CNTLN: variants seen among roughly 807,000 people sequenced by gnomAD.
CNTLN encodes the protein centlein, centrosomal protein.
A neutral mutation model predicts 180.0 loss-of-function variants in CNTLN; 212 were observed. That is an observed-to-expected ratio of 1.18 (90% confidence interval 1.05 to 1.32). The LOEUF (loss-of-function observed/expected upper bound fraction) is 1.32, where lower values mean the gene tolerates loss of function less well. Among genes scored for constraint, CNTLN ranks in the 40% most tolerant of loss-of-function variants. The probability of loss-of-function intolerance (pLI) is 0.00; values close to 1 mark genes in which losing one functional copy is unlikely to be tolerated. For missense variants in CNTLN, 2,095 were observed against 1,610.9 expected, an observed-to-expected ratio of 1.30 and a Z score of -5.14; for synonymous variants, 722 against 563.1, an observed-to-expected ratio of 1.28 and a Z score of -3.99.
intron 5 of CNTLN, among the ~76,000 whole-genome samples, chr9:17,257,913 C>T (rs1005283440): frequency 2.2e-5 from 3 of 137,148 alleles, no homozygotes; most frequent in Non-Finnish European, 3.1e-5. Flanking sequence ...AAAATTTTCT[C>T]CCATTTTGTG....
At chr9:17,332,500 T>A (rs560259418) in intron 9 of CNTLN, 105 bp from the exon 10 acceptor site, 8 of 1,048,250 alleles carry the variant, frequency 7.6e-6, no homozygotes, top group African/African-American at 6.9e-5. Context: ...TTTTTTTTTT[T>A]ATAATTCATT....
At chr9:17,194,189 ATT>A in intron 2 of CNTLN, among the ~76,000 whole-genome samples, 1 of 152,258 alleles carries the variant, frequency 6.6e-6, no homozygotes, top group East Asian at 1.9e-4. Flanking sequence ...CATTTTCCCC[ATT>A]GTCTTAGGGA....
chr9:17,189,017 T>G (rs1821616710), intron 2 of CNTLN, among the ~76,000 whole-genome samples: 1 of 151,696 alleles, frequency 6.6e-6, no homozygotes, highest in Admixed American at 6.6e-5. Flanking sequence ...TTATGAATTT[T>G]TTTTCTTCCA....
chr9:17,265,023 A>G (rs1321354797), intron 5 of CNTLN, among the ~76,000 whole-genome samples: 1 of 143,700 alleles, frequency 7.0e-6, no homozygotes, highest in African/African-American at 2.7e-5. Flanking sequence ...CTAATTGAAT[A>G]CCCTTTATTT....
intron 5 of CNTLN, among the ~76,000 whole-genome samples, chr9:17,239,745 G>T (rs530981779): frequency 6.6e-6 from 1 of 152,170 alleles, no homozygotes; most frequent in East Asian, 1.9e-4. Flanking sequence ...CCACTGAATT[G>T]TCTTGATACC....
intron 2 of CNTLN, among the ~76,000 whole-genome samples, chr9:17,158,369 G>T (rs1819447028): frequency 2.6e-5 from 4 of 152,040 alleles, no homozygotes. Flanking sequence ...TAATGTCTTT[G>T]CTTTTTATAT....
chr9:17,288,144 T>C (rs1304389541), intron 6 of CNTLN, among the ~76,000 whole-genome samples: 173 of 128,198 alleles, frequency 1.3e-3, no homozygotes, highest in African/African-American at 5.5e-3. Flanking sequence ...TGTGGGCATT[T>C]AGTGCTATAA....
Position 17,327,739 on chromosome 9 carries a change from A to T in CNTLN, c.1342-2893A>T, listed in dbSNP as rs368703041. Reference sequence around the variant, plus strand: ...GAGGCCGAGGCAGGTGGATCACCTGAGGTCAGGAGTTCGAGACCAGCCTGA... The same window carrying T: ...GAGGCCGAGGCAGGTGGATCACCTGTGGTCAGGAGTTCGAGACCAGCCTGA... On this transcript the variant is annotated intron_variant, in intron 8 of 25. Transcript: ENST00000380647. Among the ~76,000 whole-genome samples the T allele has an allele frequency of 6.6e-5, 10 of 152,104 alleles. No homozygotes were observed. In the East Asian group the frequency reaches 1.8e-3, roughly 27 times the overall value.
chr9:17,299,820 G>A, intron 7 of CNTLN: 1 of 983,646 alleles, frequency 1.0e-6, no homozygotes, highest in Non-Finnish European at 1.2e-6. Context: ...CTGTTGCTTG[G>A]AACATTTTTT....
rs569888882 is a variant in CNTLN at position 17,372,036 on chromosome 9, C to T, written c.1987+5319C>T. 1.1e-4 allele frequency among the ~76,000 whole-genome samples: 17 copies of T among 151,924 alleles called. No individual in the cohort carries two copies. In the South Asian group the frequency reaches 1.5e-3, roughly 13 times the overall value. ...AGAAGAAAAATTTCAAATAACTTAA[C>T]GATGCATCTTGAAGAGCTAGAAAAG... On this transcript the variant is annotated intron_variant, in intron 13 of 25. Transcript: ENST00000380647.
intron 6 of CNTLN, among the ~76,000 whole-genome samples, chr9:17,294,075 G>A (rs568004031): frequency 1.3e-5 from 2 of 152,280 alleles, no homozygotes; most frequent in East Asian, 3.9e-4. Context: ...TGTGTTTAGA[G>A]TTTCTTCCTT....
intron 2 of CNTLN, among the ~76,000 whole-genome samples, chr9:17,191,899 C>T (rs1034283391): frequency 2.6e-5 from 4 of 152,136 alleles, no homozygotes; most frequent in Admixed American, 2.0e-4. Flanking sequence ...TATTGGGTGT[C>T]TTGGCATCAA....
At position 17,273,862 on chromosome 9, in the gene CNTLN, G is replaced by C. The variant is rs576954284; in HGVS notation, c.979G>C (p.Val327Leu). 1 of 1,547,392 alleles carries C rather than the reference G, an allele frequency of 6.5e-7. No homozygotes were observed. Among genetic ancestry groups the C allele is most frequent in the Admixed American group, 2.2e-5 (1 of 45,620 alleles). Residue 327 changes from valine to leucine, a missense_variant, in exon 6 of 26, where the codon GTC becomes CTC. Transcript: ENST00000380647. The stretch of plus-strand genomic sequence containing the variant: ...CCAGAAGGATATGGATATTACCCTG[G>C]TCAGGCAAGTATATTCAATTTTTAA... ...LIQKDMDITLVRKELQELQNL... is the reference protein window; with the variant it reads ...LIQKDMDITLLRKELQELQNL...
At chr9:17,496,257 A>T (rs1366186756) in intron 25 of CNTLN, among the ~76,000 whole-genome samples, 1 of 152,144 alleles carries the variant, frequency 6.6e-6, no homozygotes, top group Non-Finnish European at 1.5e-5. Context: ...GTGTTCTCTT[A>T]GTCATATCAG....
At chr9:17,521,466 G>A in the CNTLN span, among the ~76,000 whole-genome samples, 1 of 152,324 alleles carries the variant, frequency 6.6e-6, no homozygotes, top group South Asian at 2.1e-4. Context: ...TTGCTTAATT[G>A]AATAATTCTT....
intron 1 of CNTLN, among the ~76,000 whole-genome samples, chr9:17,142,708 C>T (rs1818190012): frequency 6.6e-6 from 1 of 152,158 alleles, no homozygotes; most frequent in African/African-American, 2.4e-5. Context: ...TTGGCTCTAA[C>T]CTAAGGCCAA....
intron 2 of CNTLN, among the ~76,000 whole-genome samples, chr9:17,159,713 C>G (rs573985300): frequency 6.6e-6 from 1 of 152,252 alleles, no homozygotes; most frequent in South Asian, 2.1e-4. Context: ...TTGGCTGCAG[C>G]TGTCTGGAAT....
At chr9:17,522,710 A>G in the CNTLN span, among the ~76,000 whole-genome samples, 3 of 151,744 alleles carry the variant, frequency 2.0e-5, no homozygotes, top group South Asian at 4.1e-4. Context: ...AGCTTTTTGT[A>G]TGACACACGT....
At chr9:17,232,961 C>T (rs1365283756) in intron 3 of CNTLN, among the ~76,000 whole-genome samples, 1 of 150,792 alleles carries the variant, frequency 6.6e-6, no homozygotes, top group East Asian at 1.9e-4. Flanking sequence ...ATGTCAGGCA[C>T]ATTTTGATAT....
Sources: allele counts gnomAD v4.1 joint callset (sites outside exome capture counted in the v4.1 genomes callset), GRCh38; gene constraint gnomAD v4.1.1; transcripts MANE v1.5; gene names NCBI Gene and HGNC (gene_info 2026-07-23, HGNC 2026-07-21).